The following CNBD1 variants were observed in gnomAD, a reference collection of about 807,000 sequenced individuals.
The protein encoded by CNBD1 is cyclic nucleotide-binding domain-containing protein 1.
In CNBD1, 71 loss-of-function variants were observed where a neutral mutation model predicts 54.4. That is an observed-to-expected ratio of 1.30 (90% CI 1.08 to 1.59). The LOEUF (loss-of-function observed/expected upper bound fraction) is 1.59. Ranked by LOEUF, CNBD1 falls within the 40% of genes most tolerant of loss-of-function variation. CNBD1 has a pLI of 0.00. For synonymous variants in CNBD1, 182 were observed against 170.7 expected, an observed-to-expected ratio of 1.07 and a Z score of -0.51; for missense variants, 659 against 518.0, an observed-to-expected ratio of 1.27 and a Z score of -2.64.
chr8:87,382,825 T>C lies in CNBD1; in HGVS notation c.*198T>C, dbSNP rs2130961385. 4 of 446,506 alleles carry C rather than the reference T, an allele frequency of 9.0e-6. No individual in the cohort carries two copies. The South Asian group carries it at 2.2e-4, about 25-fold the overall frequency. The allele number at this position is 446,506 out of a possible 1,614,324, so 27.7% of individuals were successfully genotyped here. The stretch of plus-strand genomic sequence containing the variant: ...TATTAGCAGTCTTTCTTGGTTTGGA[T>C]ACTAAAATAAATATAGTTATCATTG... On this transcript the variant is annotated 3_prime_UTR_variant, in exon 11 of 11. Coordinates refer to ENST00000518476, the MANE Select transcript of CNBD1 (RefSeq NM_173538.3).
chr8:87,031,594 T>C (rs1809792623), intron 4 of CNBD1, among the ~76,000 whole-genome samples: 1 of 152,196 alleles, frequency 6.6e-6, no homozygotes, highest in Non-Finnish European at 1.5e-5. Flanking sequence ...TGCAATTAAA[T>C]CTGTTCCTTT....
chr8:87,352,898 C>T (rs1810335566), intron 9 of CNBD1, among the ~76,000 whole-genome samples: 1 of 152,136 alleles, frequency 6.6e-6, no homozygotes, highest in South Asian at 2.1e-4. Context: ...TTGGATTTGA[C>T]TCCAGGTTAT....
chr8:87,256,408 A>T (rs577359366), intron 6 of CNBD1, among the ~76,000 whole-genome samples: 1 of 152,042 alleles, frequency 6.6e-6, no homozygotes, highest in Admixed American at 6.6e-5. Flanking sequence ...TTTAGAATGT[A>T]TGTAAGTATT....
At chr8:87,294,558 G>A (rs560973897) in intron 8 of CNBD1, among the ~76,000 whole-genome samples, 1 of 152,284 alleles carries the variant, frequency 6.6e-6, no homozygotes, top group Admixed American at 6.5e-5. Flanking sequence ...ATTTATATAT[G>A]TTCAGAGGAG....
intron 4 of CNBD1, among the ~76,000 whole-genome samples, chr8:86,945,966 C>T (rs1807456959): frequency 6.6e-6 from 1 of 152,170 alleles, no homozygotes; most frequent in Non-Finnish European, 1.5e-5. Flanking sequence ...GTGTTCTCAA[C>T]TGGACTCCTC....
chr8:86,886,117 A>G (rs908326722), intron 1 of CNBD1, among the ~76,000 whole-genome samples: 24 of 152,036 alleles, frequency 1.6e-4, no homozygotes, highest in African/African-American at 4.8e-4. Context: ...TCCTGTCCCT[A>G]TCATTCATCA....
At chr8:87,338,941 A>C (rs74864549) in intron 8 of CNBD1, among the ~76,000 whole-genome samples, 1 of 152,088 alleles carries the variant, frequency 6.6e-6, no homozygotes, top group African/African-American at 2.4e-5. Flanking sequence ...TAGTAAGCCC[A>C]TGTCTCTGAA....
At chr8:86,925,017 C>A (rs1007467364) in intron 3 of CNBD1, among the ~76,000 whole-genome samples, 1 of 152,030 alleles carries the variant, frequency 6.6e-6, no homozygotes, top group Non-Finnish European at 1.5e-5. Context: ...TAGTAGAAAC[C>A]GGGGAAATAT....
intron 1 of CNBD1, among the ~76,000 whole-genome samples, chr8:86,885,024 C>T (rs1338066175): frequency 3.3e-5 from 5 of 152,138 alleles, no homozygotes; most frequent in Non-Finnish European, 2.9e-5. Flanking sequence ...TAAATTGTGG[C>T]TATGTATTTA....
intron 4 of CNBD1, among the ~76,000 whole-genome samples, chr8:87,023,797 A>T (rs1809539061): frequency 6.6e-6 from 1 of 152,202 alleles, no homozygotes; most frequent in African/African-American, 2.4e-5. Context: ...ATCATTTTAA[A>T]AGTTTGTTCT....
intron 6 of CNBD1, among the ~76,000 whole-genome samples, chr8:87,257,901 C>G (rs940841567): frequency 6.6e-6 from 1 of 152,024 alleles, no homozygotes; most frequent in African/African-American, 2.4e-5. Context: ...TTGGTTACTT[C>G]TATGGTGTAC....
intron 5 of CNBD1, among the ~76,000 whole-genome samples, chr8:87,214,225 A>C (rs746607106): frequency 6.6e-6 from 1 of 152,182 alleles, no homozygotes; most frequent in Non-Finnish European, 1.5e-5. Context: ...TTAAAACTGA[A>C]TGCTTTTAAC....
intron 2 of CNBD1, among the ~76,000 whole-genome samples, chr8:87,424,525 C>T (rs959097811): frequency 7.2e-5 from 11 of 152,142 alleles, no homozygotes; most frequent in Admixed American, 3.9e-4. Flanking sequence ...GCCTTCATTT[C>T]GTTATGTACC....
intron 3 of CNBD1, among the ~76,000 whole-genome samples, chr8:86,932,865 A>G (rs1038442435): frequency 2.6e-5 from 4 of 152,076 alleles, no homozygotes; most frequent in Admixed American, 6.5e-5. Flanking sequence ...ATAACCTGCA[A>G]TGGTCCCTGG....
At chr8:87,078,529 AT>A (rs1810921222) in intron 4 of CNBD1, among the ~76,000 whole-genome samples, 1 of 152,194 alleles carries the variant, frequency 6.6e-6, no homozygotes, top group Non-Finnish European at 1.5e-5. Context: ...AATAAACATT[AT>A]TTGTTTGAGG....
intron 6 of CNBD1, among the ~76,000 whole-genome samples, chr8:87,243,961 T>G (rs1807752492): frequency 6.6e-6 from 1 of 152,174 alleles, no homozygotes; most frequent in South Asian, 2.1e-4. Context: ...TTTGTATAAA[T>G]TTATGGGGAA....
At chr8:87,395,571 A>T (rs1811393897) in intron 2 of CNBD1, among the ~76,000 whole-genome samples, 1 of 151,916 alleles carries the variant, frequency 6.6e-6, no homozygotes, top group Non-Finnish European at 1.5e-5. Context: ...AGTGGTACTA[A>T]ACCTTTGTGT....
In CNBD1 at chr8:87,363,611, A is replaced by T. The variant is rs1485052210; in HGVS notation, c.1303+9825A>T. On this transcript the variant is annotated intron_variant, in intron 10 of 10. Transcript: ENST00000518476. ...TGCATTTCTCTAATGACCAGTGATG[A>T]TGAGCTTTTTTTCATATGTTTGTTA... is the stretch of plus-strand genomic sequence containing the variant. 4.6e-5 allele frequency among the ~76,000 whole-genome samples: 7 copies of T among 151,998 alleles called. No individual in the cohort carries two copies. The East Asian group carries it at 1.4e-3, about 29-fold the overall frequency.
chr8:87,350,417 T>C (rs1242475930), intron 8 of CNBD1, among the ~76,000 whole-genome samples: 1 of 152,014 alleles, frequency 6.6e-6, no homozygotes, highest in Non-Finnish European at 1.5e-5. Flanking sequence ...ACAAAATTAT[T>C]GAATCCCACT....
Sources: allele counts gnomAD v4.1 joint callset (sites outside exome capture counted in the v4.1 genomes callset), GRCh38; gene constraint gnomAD v4.1.1; transcripts MANE v1.5; gene names NCBI Gene and HGNC (gene_info 2026-07-23, HGNC 2026-07-21).